OCIAD1: variants seen among roughly 807,000 people sequenced by gnomAD.
OCIAD1 encodes OCIA domain containing 1.
In OCIAD1, 29 loss-of-function variants were observed where a neutral mutation model predicts 38.9. The ratio of observed to expected loss-of-function variants is 0.74; its 90% CI spans 0.55 to 1.02. The LOEUF (loss-of-function observed/expected upper bound fraction) is 1.02, where lower values mean the gene tolerates loss of function less well. Among genes scored for constraint, OCIAD1 ranks in the 50% least tolerant of loss-of-function variants. The pLI, the probability that OCIAD1 is intolerant of heterozygous loss-of-function variation, is 0.00. For synonymous variants in OCIAD1, 110 were observed against 92.0 expected (o/e 1.20, Z -1.12); for missense variants, 288 against 289.6 (o/e 0.99, Z 0.04).
In OCIAD1 at chr4:48,851,869, C is replaced by T. The variant is rs1307470879; in HGVS notation, c.441C>T (p.Ser147=). 8.1e-6 allele frequency: 13 copies of T among 1,613,344 alleles called. No individual in the cohort carries two copies. Among genetic ancestry groups the T allele is most frequent in the Admixed American group, 1.7e-5 (1 of 59,970 alleles). ...GTGGTCAATCATCTTTTGTGACATC[C>T]CCAGCAGCAGACAACATAGAAATGC... ...SVSGQSSFVT[S]PAADNIEMLP... Residue 147 remains serine, a synonymous_variant, in exon 7 of 9, where the codon TCC becomes TCT. Transcript: ENST00000264312.
At chr4:48,847,913 G>A (rs1779107576) in intron 4 of OCIAD1, among the ~76,000 whole-genome samples, 1 of 152,104 alleles carries the variant, frequency 6.6e-6, no homozygotes, top group Non-Finnish European at 1.5e-5. Context: ...AATTGGGATT[G>A]CATTGTATTT....
chr4:48,852,878 T>TTTTTTTGTTTTTG (rs1315271846), intron 7 of OCIAD1, among the ~76,000 whole-genome samples: 3 of 147,258 alleles, frequency 2.0e-5, no homozygotes, highest in Admixed American at 6.7e-5. Flanking sequence ...TTTTTTTGTT[T>TTTTTTTGTTTTTG]TTTGTTTTTT....
At chr4:48,853,255 T>C (rs1236026209) in intron 7 of OCIAD1, among the ~76,000 whole-genome samples, 1 of 152,200 alleles carries the variant, frequency 6.6e-6, no homozygotes, top group Non-Finnish European at 1.5e-5. Context: ...TGACCTAAAT[T>C]CACATAAGTT....
chr4:48,854,292 G>C (rs1779808372), intron 7 of OCIAD1, among the ~76,000 whole-genome samples: 1 of 152,058 alleles, frequency 6.6e-6, no homozygotes, highest in African/African-American at 2.4e-5. Context: ...CTGGACAAAG[G>C]GATGATTCAA....
intron 7 of OCIAD1, 156 bp downstream of exon 7, chr4:48,852,131 T>A: frequency 1.8e-6 from 1 of 571,406 alleles, no homozygotes; most frequent in Non-Finnish European, 3.0e-6. Context: ...CTTCATTCAT[T>A]CAACTTTTCT....
At chr4:48,813,674 C>T (rs182867210) in intron 1 of OCIAD1, among the ~76,000 whole-genome samples, 1 of 152,152 alleles carries the variant, frequency 6.6e-6, no homozygotes, top group South Asian at 2.1e-4. Context: ...AACAAACAAA[C>T]AAAAACTGGC....
chr4:48,832,952 G>T (rs755525315), intron 2 of OCIAD1, among the ~76,000 whole-genome samples: 1 of 151,974 alleles, frequency 6.6e-6, no homozygotes, highest in African/African-American at 2.4e-5. Context: ...GTCAAAGTTT[G>T]TTGAAAGTGT....
intron 8 of OCIAD1, among the ~76,000 whole-genome samples, chr4:48,858,491 T>A (rs1664902278): frequency 6.6e-6 from 1 of 152,290 alleles, no homozygotes; most frequent in Non-Finnish European, 1.5e-5. Context: ...TTTTATTCTG[T>A]CACCCAGGCT....
At position 48,834,591 on chromosome 4, in the gene OCIAD1, G is replaced by C. The variant is rs937291351; in HGVS notation, c.139+1110G>C. 5.9e-5 allele frequency among the ~76,000 whole-genome samples: 9 copies of C among 152,274 alleles called. 1 individual carries two copies. The highest frequency in any genetic ancestry group is 4.1e-4 in the South Asian group (2 of 4,826). ...TCAAGACCAGCGTGGGCAACATAGAGGGGCCTTGTCTCTACCAAAAATGAA... is the reference window on the plus strand; with the variant it reads ...TCAAGACCAGCGTGGGCAACATAGACGGGCCTTGTCTCTACCAAAAATGAA... On this transcript the variant is annotated intron_variant, in intron 3 of 8. Transcript: ENST00000264312.
intron 5 of OCIAD1, among the ~76,000 whole-genome samples, chr4:48,849,582 A>G (rs1218619378): frequency 2.6e-5 from 4 of 152,036 alleles, no homozygotes; most frequent in African/African-American, 7.2e-5. Flanking sequence ...AGTTCTGTTT[A>G]TTTAGAACTA....
rs373729402 is a variant in OCIAD1, at chr4:48,851,834, T to G, written c.406T>G (p.Ser136Ala). 3.1e-6 allele frequency: 5 copies of G among 1,612,860 alleles called. No homozygotes were observed. Among genetic ancestry groups the G allele is most frequent in the Non-Finnish European group, 4.2e-6 (5 of 1,179,042 alleles). The change falls in exon 7 of 9, where the codon TCA becomes GCA. Residue 136 changes from serine to alanine, a missense_variant. Transcript: ENST00000264312. ...GHYYQKSKYD[S>A]SVSGQSSFVT... ...CTATTATCAAAAGTCAAAATATGAC[T>G]CAAGTGTGAGTGGTCAATCATCTTT... is the stretch of plus-strand genomic sequence containing the variant.
rs1008446025 is a variant in OCIAD1, at chr4:48,842,381, A to G, written c.140-255A>G. Among the ~76,000 whole-genome samples the G allele has an allele frequency of 3.9e-5, 6 of 152,292 alleles. No individual in the cohort carries two copies. The South Asian group carries it at 1.0e-3, about 26-fold the overall frequency. ...TGATGCTGTTGATGAACAGCTGGCT[A>G]TTTGGAACCTAAGCCTAGATGGTTC... On this transcript the variant is annotated intron_variant, in intron 3 of 8. Coordinates refer to ENST00000264312, the MANE Select transcript of OCIAD1 (RefSeq NM_017830.4).
At chr4:48,836,395 T>G (rs1344215197) in intron 3 of OCIAD1, among the ~76,000 whole-genome samples, 1 of 152,250 alleles carries the variant, frequency 6.6e-6, no homozygotes, top group Non-Finnish European at 1.5e-5. Flanking sequence ...AAAGGTTCAT[T>G]TAGAAGGAGT....
intron 1 of OCIAD1, among the ~76,000 whole-genome samples, chr4:48,819,546 C>T (rs1023083672): frequency 6.6e-6 from 1 of 151,790 alleles, no homozygotes; most frequent in Non-Finnish European, 1.5e-5. Flanking sequence ...TCACACATAA[C>T]AATGTTAGCC....
chr4:48,861,130 C>G lies in OCIAD1; in HGVS notation c.*368C>G, dbSNP rs189636515. 3 of 182,536 alleles carry G rather than the reference C, an allele frequency of 1.6e-5. No homozygotes were observed. Among genetic ancestry groups the G allele is most frequent in the Non-Finnish European group, 3.4e-5 (3 of 88,528 alleles). The allele number at this position is 182,536 out of a possible 1,614,324, so 11.3% of individuals were successfully genotyped here. On this transcript the variant is annotated 3_prime_UTR_variant, in exon 9 of 9. Coordinates refer to ENST00000264312, the MANE Select transcript of OCIAD1 (RefSeq NM_017830.4). The stretch of plus-strand genomic sequence containing the variant: ...GTTGAATTGGGGTGGATGGGGGGAG[C>G]AAGCATAATTTTTAAGTGTGAAGCT...
In OCIAD1 at chr4:48,857,271, A is replaced by G; in HGVS notation, c.606A>G (p.Leu202=). Residue 202 remains leucine, a synonymous_variant, in exon 8 of 9, where the codon TTA becomes TTG. Coordinates refer to ENST00000264312, the MANE Select transcript of OCIAD1 (RefSeq NM_017830.4). ...PKRKNITYEE[L]RNKNRESYEV... ...GAAAAAATATTACATATGAGGAATT[A>G]AGGAATAAGAACAGAGAGTCATATG... 1 of 1,592,928 alleles carries G rather than the reference A, an allele frequency of 6.3e-7. No homozygotes were observed. Among genetic ancestry groups the G allele is most frequent in the Non-Finnish European group, 8.6e-7 (1 of 1,168,458 alleles).
At chr4:48,819,101 A>G (rs1579035352) in intron 1 of OCIAD1, among the ~76,000 whole-genome samples, 1 of 152,152 alleles carries the variant, frequency 6.6e-6, no homozygotes, top group Non-Finnish European at 1.5e-5. Flanking sequence ...TCAAGAAGAG[A>G]AACCCCGAGA....
At chr4:48,812,574 A>G (rs1777101369) in intron 1 of OCIAD1, among the ~76,000 whole-genome samples, 2 of 152,134 alleles carry the variant, frequency 1.3e-5, no homozygotes, top group Admixed American at 1.3e-4. Context: ...ATTGACTGTC[A>G]AACGCTTTAG....
chr4:48,844,278 G>T (rs560476558), intron 4 of OCIAD1, among the ~76,000 whole-genome samples: 2 of 152,198 alleles, frequency 1.3e-5, no homozygotes, highest in South Asian at 4.2e-4. Flanking sequence ...TTATAATTTG[G>T]ATTAGGTTAT....
Sources: gnomAD v4.1 joint callset for allele counts (sites outside exome capture counted in the v4.1 genomes callset) on GRCh38, gnomAD v4.1.1 for gene constraint, MANE v1.5 for transcripts, NCBI Gene and HGNC (gene_info 2026-07-23, HGNC 2026-07-21) for gene names.